Variants in MFNG observed in about 807,000 individuals in gnomAD.
The protein encoded by MFNG is MFNG O-fucosylpeptide 3-beta-N-acetylglucosaminyltransferase.
MFNG carries 24 observed loss-of-function variants against 34.2 expected under a neutral mutation model. The observed-to-expected ratio is 0.70, with a 90% CI of 0.51 to 0.99. The LOEUF is 0.99. MFNG is among the 50% of genes least tolerant of loss of function. The probability of loss-of-function intolerance (pLI) is 0.00; values close to 1 mark genes in which losing one functional copy is unlikely to be tolerated. For synonymous variants in MFNG, 158 were observed against 179.2 expected, an observed-to-expected ratio of 0.88 and a Z score of 0.94; for missense variants, 383 against 424.0, an observed-to-expected ratio of 0.90 and a Z score of 0.85.
chr22:37,476,782 G>A, intron 5 of MFNG, 114 bp downstream of exon 5: 2 of 857,304 alleles, frequency 2.3e-6, no homozygotes, highest in Admixed American at 2.1e-5. Flanking sequence ...ACGCAAATGA[G>A]GAGCAGCTTC....
intron 6 of MFNG, among the ~76,000 whole-genome samples, chr22:37,473,089 G>T (rs1921882969): frequency 6.6e-6 from 1 of 152,160 alleles, no homozygotes; most frequent in Admixed American, 6.5e-5. Flanking sequence ...CCCATCTATA[G>T]AATGGGGATA....
chr22:37,481,146 A>C, intron 1 of MFNG: 4 of 239,482 alleles, frequency 1.7e-5, no homozygotes, highest in Non-Finnish European at 2.5e-5. Context: ...ACAGAACACA[A>C]TCTTAAACCC....
rs532939115 is a variant in MFNG at position 37,483,955 on chromosome 22, C to T, written c.255+1968G>A. On this transcript the variant is annotated intron_variant, in intron 1 of 7. Coordinates refer to ENST00000356998, the MANE Select transcript of MFNG (RefSeq NM_002405.4). This position sits in a 1 kb window ranked among gnomAD's most constrained non-coding sequence, Gnocchi z 4.5. The stretch of plus-strand genomic sequence containing the variant: ...AGAGTTTCTTTGGAGCCAAGGGCTG[C>T]ATTTGACTTGTTTAAGGAGGGGACC... Among the ~76,000 whole-genome samples, 202 of 152,258 alleles carry T rather than the reference C, an allele frequency of 1.3e-3. 1 individual carries two copies. The highest frequency in any genetic ancestry group is 4.7e-3 in the African/African-American group (197 of 41,526).
At chr22:37,478,618 G>A (rs1292410836) in intron 4 of MFNG, among the ~76,000 whole-genome samples, 3 of 152,096 alleles carry the variant, frequency 2.0e-5, no homozygotes. Flanking sequence ...GGGAAGGTGG[G>A]GAAGGGTTCT....
In MFNG at chr22:37,485,973, A is replaced by G. The variant is rs1431421025; in HGVS notation, c.205T>C (p.Leu69=). ...AVKTTRAFHR[L]RLELLLDTWV... is the part of the protein sequence containing the mutation. Reference sequence around the variant, plus strand: ...GTGTCAAGCAGCAGCTCCAGGCGCAAGCGGTGGAAAGCCCGGGTCGTCTTC... The same window carrying G: ...GTGTCAAGCAGCAGCTCCAGGCGCAGGCGGTGGAAAGCCCGGGTCGTCTTC... The change falls in exon 1 of 8, where the codon TTG becomes CTG. Residue 69 remains leucine (L), a synonymous_variant. Coordinates refer to ENST00000356998, the MANE Select transcript of MFNG (RefSeq NM_002405.4). The surrounding 1 kb of genome is among the most constrained non-coding windows in gnomAD (Gnocchi z 5.3). The G allele has an allele frequency of 1.9e-6, 3 of 1,613,934 alleles. No individual in the cohort carries two copies. The highest frequency in any genetic ancestry group is 1.7e-5 in the Admixed American group (1 of 60,018).
rs1050901774 is a variant in MFNG at position 37,485,106 on chromosome 22, C to T, written c.255+817G>A. The stretch of plus-strand genomic sequence containing the variant: ...GGAAAGGGCTGGAAGGGACTTGGCT[C>T]GCCGGAGCCGCACAGCCATGTGACA... On this transcript the variant is annotated intron_variant, in intron 1 of 7. Coordinates refer to ENST00000356998, the MANE Select transcript of MFNG (RefSeq NM_002405.4). This position sits in a 1 kb window ranked among gnomAD's most constrained non-coding sequence, Gnocchi z 5.3. Among the ~76,000 whole-genome samples, 2 of 152,120 alleles carry T rather than the reference C, an allele frequency of 1.3e-5. No homozygotes were observed. The highest frequency in any genetic ancestry group is 2.4e-5 in the African/African-American group (1 of 41,414).
chr22:37,480,452 A>C (rs1922243389), intron 2 of MFNG, 153 bp from the exon 3 acceptor site: 2 of 677,722 alleles, frequency 3.0e-6, no homozygotes. Flanking sequence ...CGGGGAAGGC[A>C]GACCTGCCCA....
chr22:37,485,592 C>T lies in MFNG; in HGVS notation c.255+331G>A, dbSNP rs1422215019. On this transcript the variant is annotated intron_variant, in intron 1 of 7. Coordinates refer to ENST00000356998, the MANE Select transcript of MFNG (RefSeq NM_002405.4). This position sits in a 1 kb window ranked among gnomAD's most constrained non-coding sequence, Gnocchi z 5.3. ...CTGATGCCAGGCTGGGCCTGGGTGGCTAGGAGCGAAGCCCCCACGGGAGCG... is the reference window on the plus strand; with the variant it reads ...CTGATGCCAGGCTGGGCCTGGGTGGTTAGGAGCGAAGCCCCCACGGGAGCG... Among the ~76,000 whole-genome samples the T allele has an allele frequency of 6.6e-6, 1 of 152,172 alleles. No individual in the cohort carries two copies. Among genetic ancestry groups the T allele is most frequent in the Non-Finnish European group, 1.5e-5 (1 of 67,998 alleles).
At chr22:37,484,782 T>G (rs2145740901) in intron 1 of MFNG, among the ~76,000 whole-genome samples, 1 of 152,262 alleles carries the variant, frequency 6.6e-6, no homozygotes, top group East Asian at 1.9e-4. Context: ...GCTGAGGTGC[T>G]GGGGGCCAGC....
rs766154373 is a variant in MFNG at position 37,479,538 on chromosome 22, G to T, written c.408-40C>A. 4 of 1,603,774 alleles carry T rather than the reference G, an allele frequency of 2.5e-6. No homozygotes were observed. The East Asian group carries it at 6.8e-5, about 27-fold the overall frequency. On this transcript the variant is annotated intron_variant, in intron 3 of 7. Transcript: ENST00000356998. ...CGGGGACAGTGAACTTGTTGGGGGG[G>T]TTCCAAGCCAGGGTCCCCAAGCACC...
At chr22:37,480,790 T>A in intron 1 of MFNG, 21 bp from the exon 2 acceptor site, 1 of 1,611,558 alleles carries the variant, frequency 6.2e-7, no homozygotes, top group Non-Finnish European at 8.5e-7. Flanking sequence ...GAAGAAGGGG[T>A]CAGGACTCAC....
intron 1 of MFNG, 72 bp from the exon 2 acceptor site, chr22:37,480,841 A>G (rs1922263293): frequency 3.7e-6 from 5 of 1,360,654 alleles, no homozygotes; most frequent in Non-Finnish European, 5.2e-6. Context: ...ACAGCCCACC[A>G]CCACCAGGCC....
chr22:37,481,470 C>A (rs1351335723), intron 1 of MFNG: 1 of 152,438 alleles, frequency 6.6e-6, no homozygotes, highest in Non-Finnish European at 1.5e-5. Flanking sequence ...TCCCCACCGC[C>A]TCCCAGGCAG....
chr22:37,480,094 G>T (rs1483533187), intron 3 of MFNG, 103 bp downstream of exon 3: 6 of 850,096 alleles, frequency 7.1e-6, no homozygotes, highest in Non-Finnish European at 1.1e-5. Flanking sequence ...TCTGCCCACT[G>T]CCTGCTAGAG....
rs981770924 is a variant in MFNG, at chr22:37,482,755, G to T, written c.256-1986C>A. ...TGGGTCCAATTTGTCTCCTTGCTCC[G>T]GCACCTGGCTCTCCTCAGGAAGGCC... is the stretch of plus-strand genomic sequence containing the variant. On this transcript the variant is annotated intron_variant, in intron 1 of 7. Coordinates refer to ENST00000356998, the MANE Select transcript of MFNG (RefSeq NM_002405.4). The surrounding 1 kb of genome is among the most constrained non-coding windows in gnomAD (Gnocchi z 4.1). 1.3e-5 allele frequency among the ~76,000 whole-genome samples: 2 copies of T among 151,970 alleles called. No individual in the cohort carries two copies. The highest frequency in any genetic ancestry group is 2.9e-5 in the Non-Finnish European group (2 of 67,994).
At position 37,483,253 on chromosome 22, in the gene MFNG, C is replaced by T. The variant is rs951955478; in HGVS notation, c.256-2484G>A. 6.6e-6 allele frequency among the ~76,000 whole-genome samples: 1 copy of T among 152,160 alleles called. No homozygotes were observed. Among genetic ancestry groups the T allele is most frequent in the Non-Finnish European group, 1.5e-5 (1 of 68,036 alleles). ...TGCTCTTCCCTCCGGCCCACCCGGC[C>T]ACCTAGTCCCCGCCACTGTCGTCAC... On this transcript the variant is annotated intron_variant, in intron 1 of 7. Coordinates refer to ENST00000356998, the MANE Select transcript of MFNG (RefSeq NM_002405.4). The surrounding 1 kb of genome is among the most constrained non-coding windows in gnomAD (Gnocchi z 4.5).
rs374522522 is a variant in MFNG at position 37,472,551 on chromosome 22, G to A, written c.814-23C>T. The A allele has an allele frequency of 1.9e-6, 3 of 1,566,732 alleles. No individual in the cohort carries two copies. The African/African-American group carries it at 4.2e-5, about 22-fold the overall frequency. On this transcript the variant is annotated intron_variant, in intron 6 of 7. Coordinates refer to ENST00000356998, the MANE Select transcript of MFNG (RefSeq NM_002405.4). ...GACCTGGGCAGGGAGATAGAAGAGT[G>A]TTGGGGCATCACACTGGGGATCCCC...
At chr22:37,484,894 G>C (rs142288022) in intron 1 of MFNG, among the ~76,000 whole-genome samples, 1 of 152,194 alleles carries the variant, frequency 6.6e-6, no homozygotes, top group Non-Finnish European at 1.5e-5. Context: ...CCTCCTTTTG[G>C]TCTTCCAGGA....
chr22:37,473,234 T>C (rs952543672), intron 6 of MFNG, among the ~76,000 whole-genome samples: 19 of 152,142 alleles, frequency 1.2e-4, no homozygotes, highest in African/African-American at 4.6e-4. Context: ...GGTCAGGAGT[T>C]CGAGACCAGC....
Sources: gnomAD v4.1 joint callset for allele counts (sites outside exome capture counted in the v4.1 genomes callset) on GRCh38, gnomAD v4.1.1 for gene constraint, Gnocchi (gnomAD v3.1) non-coding constraint, MANE v1.5 for transcripts, NCBI Gene and HGNC (gene_info 2026-07-23, HGNC 2026-07-21) for gene names.